The following SLC36A1 variants were observed in gnomAD, a reference collection of about 807,000 sequenced individuals.
SLC36A1 encodes solute carrier family 36 member 1.
A neutral mutation model predicts 47.5 loss-of-function variants in SLC36A1; 30 were observed. The observed-to-expected ratio is 0.63, with a 90% CI of 0.47 to 0.86. The LOEUF (loss-of-function observed/expected upper bound fraction) is 0.86. Ranked by LOEUF, SLC36A1 falls within the 40% of genes least tolerant of loss-of-function variation. The pLI is 0.00. For missense variants in SLC36A1, 517 were observed against 606.0 expected (o/e 0.85, Z 1.54); for synonymous variants, 255 against 249.7 (o/e 1.02, Z -0.20).
the SLC36A1 span, chr5:151,551,620 G>T: frequency 2.5e-6 from 4 of 1,613,634 alleles, no homozygotes; most frequent in Non-Finnish European, 3.4e-6. Context: ...GAGTGGGAGT[G>T]GGGAGAAAGC....
At chr5:151,388,506 GAAAAA>G in the SLC36A1 span, among the ~76,000 whole-genome samples, 1 of 104,772 alleles carries the variant, frequency 9.5e-6, no homozygotes. Context: ...CATCTCAAAA[GAAAAA>G]AAAAAAAAAA....
chr5:151,512,314 T>G, the SLC36A1 span: 1 of 1,614,206 alleles, frequency 6.2e-7, no homozygotes, highest in African/African-American at 1.3e-5. The surrounding 1 kb of genome is among the most constrained non-coding windows in gnomAD (Gnocchi z 4.1). Context: ...AGCCTCTTCG[T>G]TGACCACGAC....
intron 5 of SLC36A1, among the ~76,000 whole-genome samples, chr5:151,465,803 C>T (rs1756269424): frequency 6.6e-6 from 1 of 152,094 alleles, no homozygotes; most frequent in African/African-American, 2.4e-5. Context: ...TAAACTAGAG[C>T]AGGGTGTGGA....
At chr5:151,385,009 A>AGAGAGAGTGT in the SLC36A1 span, among the ~76,000 whole-genome samples, 9 of 128,510 alleles carry the variant, frequency 7.0e-5, no homozygotes, top group African/African-American at 1.1e-4. Flanking sequence ...AGAGAGAGAG[A>AGAGAGAGTGT]GTGTGTGTGT....
chr5:151,466,939 C>A (rs750753408), intron 5 of SLC36A1, among the ~76,000 whole-genome samples: 3 of 152,110 alleles, frequency 2.0e-5, no homozygotes, highest in Admixed American at 6.5e-5. Flanking sequence ...GCATCTCGTC[C>A]TTGTCACTGC....
the SLC36A1 span, among the ~76,000 whole-genome samples, chr5:151,552,843 A>G: frequency 6.6e-6 from 1 of 152,208 alleles, no homozygotes; most frequent in Non-Finnish European, 1.5e-5. Context: ...TGATTTTCAC[A>G]TTGAGGTAGG....
the SLC36A1 span, chr5:151,527,394 A>T: frequency 6.3e-7 from 1 of 1,579,978 alleles, no homozygotes; most frequent in Non-Finnish European, 8.6e-7. Flanking sequence ...CAAAATGTCC[A>T]GTGGAGGTTA....
the SLC36A1 span, among the ~76,000 whole-genome samples, chr5:151,411,187 A>G: frequency 6.9e-6 from 1 of 144,884 alleles, no homozygotes; most frequent in Non-Finnish European, 1.5e-5. Context: ...GTTGATTCTC[A>G]TCCATGGTGG....
At chr5:151,531,198 C>T in the SLC36A1 span, among the ~76,000 whole-genome samples, 1 of 152,156 alleles carries the variant, frequency 6.6e-6, no homozygotes, top group African/African-American at 2.4e-5. This position sits in a 1 kb window ranked among gnomAD's most constrained non-coding sequence, Gnocchi z 5.7. Flanking sequence ...AAGCAGGCAG[C>T]CTTGTCCAGG....
chr5:151,471,360 G>C (rs938143839), intron 7 of SLC36A1, among the ~76,000 whole-genome samples: 1 of 152,182 alleles, frequency 6.6e-6, no homozygotes, highest in Non-Finnish European at 1.5e-5. Flanking sequence ...CATTTAGTTG[G>C]TTGGGTCAGT....
At chr5:151,421,487 C>G in the SLC36A1 span, among the ~76,000 whole-genome samples, 1 of 151,974 alleles carries the variant, frequency 6.6e-6, no homozygotes, top group Non-Finnish European at 1.5e-5. Flanking sequence ...AGTGATCCAC[C>G]CACCTCAGCC....
chr5:151,543,069 T>A, the SLC36A1 span: 2 of 1,614,076 alleles, frequency 1.2e-6, no homozygotes, highest in Admixed American at 3.3e-5. Flanking sequence ...TCGGTAAGGA[T>A]ACTTTTTTAG....
chr5:151,381,956 C>G, the SLC36A1 span: 1,060 of 480,294 alleles, frequency 2.2e-3, 3 homozygotes, highest in Non-Finnish European at 3.3e-3. Flanking sequence ...TCTAGGCAGT[C>G]AGCAAGGTGA....
At chr5:151,400,962 A>G in the SLC36A1 span, among the ~76,000 whole-genome samples, 1 of 152,122 alleles carries the variant, frequency 6.6e-6, no homozygotes, top group East Asian at 1.9e-4. Flanking sequence ...ATTTTCTCCC[A>G]TTCTGTAGGT....
At chr5:151,529,326 C>T in the SLC36A1 span, 1 of 1,614,130 alleles carries the variant, frequency 6.2e-7, no homozygotes, top group Non-Finnish European at 8.5e-7. Flanking sequence ...CTTCCGGCTG[C>T]ACTCAATGGA....
the SLC36A1 span, chr5:151,528,102 T>C: frequency 6.2e-7 from 1 of 1,614,156 alleles, no homozygotes; most frequent in South Asian, 1.1e-5. Flanking sequence ...AATGTCACTA[T>C]TTAGGGGTCC....
chr5:151,507,885 T>G, the SLC36A1 span, among the ~76,000 whole-genome samples: 12 of 152,256 alleles, frequency 7.9e-5, no homozygotes, highest in South Asian at 2.5e-3. Context: ...CTGTATACAC[T>G]CTCTATCATG....
the SLC36A1 span, among the ~76,000 whole-genome samples, chr5:151,537,114 A>G: frequency 6.6e-6 from 1 of 152,092 alleles, no homozygotes; most frequent in African/African-American, 2.4e-5. Context: ...TTCTGCTGTC[A>G]AATATTCCCA....
chr5:151,506,220 CTG>C, the SLC36A1 span: 2 of 1,029,300 alleles, frequency 1.9e-6, no homozygotes, highest in Non-Finnish European at 2.7e-6. Flanking sequence ...ATAGGCCCAT[CTG>C]TGCAGGTTGT....
Sources: gnomAD v4.1 joint callset for allele counts (sites outside exome capture counted in the v4.1 genomes callset) on GRCh38, gnomAD v4.1.1 for gene constraint, Gnocchi (gnomAD v3.1) non-coding constraint, MANE v1.5 for transcripts, NCBI Gene and HGNC (gene_info 2026-07-23, HGNC 2026-07-21) for gene names.